Variants in ARHGEF26 observed in about 807,000 individuals in gnomAD.
ARHGEF26 encodes Rho guanine nucleotide exchange factor (GEF) 26.
In ARHGEF26, 59 loss-of-function variants were observed where a neutral mutation model predicts 89.4. That is an observed-to-expected ratio of 0.66 (90% CI 0.54 to 0.82). The LOEUF (loss-of-function observed/expected upper bound fraction) is 0.82, where lower values mean the gene tolerates loss of function less well. ARHGEF26 is among the 40% of genes least tolerant of loss of function. ARHGEF26 has a pLI of 0.00. For synonymous variants in ARHGEF26, 500 were observed against 428.4 expected, an observed-to-expected ratio of 1.17 and a Z score of -2.06; for missense variants, 1,234 against 1,085.6, an observed-to-expected ratio of 1.14 and a Z score of -1.92.
intron 5 of ARHGEF26, among the ~76,000 whole-genome samples, chr3:154,150,876 T>G (rs1719979744): frequency 6.6e-6 from 1 of 152,228 alleles, no homozygotes; most frequent in Non-Finnish European, 1.5e-5. Context: ...AGGTCTAACC[T>G]AATTTGCTTT....
rs1056652726 is a variant in ARHGEF26 at position 154,160,268 on chromosome 3, G to A, written c.1487+7336G>A. Among the ~76,000 whole-genome samples, 6 of 152,238 alleles carry A rather than the reference G, an allele frequency of 3.9e-5. No homozygotes were observed. In the East Asian group the frequency reaches 5.8e-4, roughly 15 times the overall value. ...TGTTCAGCTCTTATCAACAACCAGTGTCTGGAGTAATAGTAAAAGAAATAG... is the reference window on the plus strand; with the variant it reads ...TGTTCAGCTCTTATCAACAACCAGTATCTGGAGTAATAGTAAAAGAAATAG... On this transcript the variant is annotated intron_variant, in intron 6 of 14. Coordinates refer to ENST00000465093, the MANE Select transcript of ARHGEF26 (RefSeq NM_015595.4).
intron 4 of ARHGEF26, among the ~76,000 whole-genome samples, chr3:154,147,665 C>G (rs1719781027): frequency 6.6e-6 from 1 of 152,108 alleles, no homozygotes; most frequent in African/African-American, 2.4e-5. Flanking sequence ...TGCTACAAAG[C>G]CTGGAACATC....
chr3:154,140,508 C>T (rs1719294751), intron 4 of ARHGEF26, among the ~76,000 whole-genome samples: 2 of 151,708 alleles, frequency 1.3e-5, no homozygotes, highest in Admixed American at 6.6e-5. Flanking sequence ...TTTTTTTCTT[C>T]TCATAAATTG....
chr3:154,199,909 AT>A (rs1199352810), intron 9 of ARHGEF26, among the ~76,000 whole-genome samples: 1 of 151,748 alleles, frequency 6.6e-6, no homozygotes, highest in Non-Finnish European at 1.5e-5. Context: ...GGATTATTAG[AT>A]TTTTTTTCTA....
At position 154,240,517 on chromosome 3, in the gene ARHGEF26, T is replaced by C; in HGVS notation, c.2238T>C (p.Thr746=). 2 of 1,613,338 alleles carry C rather than the reference T, an allele frequency of 1.2e-6. No individual in the cohort carries two copies. Among genetic ancestry groups the C allele is most frequent in the Non-Finnish European group, 1.7e-6 (2 of 1,179,594 alleles). ...AGAGCTCTGCCAGTCACCTCTTTAC[T>C]CTGACAGTCCTTAGTAACCACGCGA... ...SRQSSASHLF[T]LTVLSNHANE... is the part of the protein sequence containing the mutation. The change falls in exon 12 of 15, where the codon ACT becomes ACC. Residue 746 remains threonine, a synonymous_variant. Transcript: ENST00000465093.
intron 11 of ARHGEF26, among the ~76,000 whole-genome samples, chr3:154,233,928 C>G (rs1483040149): frequency 6.6e-6 from 1 of 152,198 alleles, no homozygotes; most frequent in East Asian, 1.9e-4. Flanking sequence ...TGTGAATGTT[C>G]TAAAGCCTAT....
At chr3:154,235,140 A>G (rs948997960) in intron 11 of ARHGEF26, among the ~76,000 whole-genome samples, 7 of 148,026 alleles carry the variant, frequency 4.7e-5, no homozygotes, top group African/African-American at 1.7e-4. Context: ...AACTATTTCT[A>G]CTCCCTGCCA....
chr3:154,149,309 A>G (rs1719877153), intron 4 of ARHGEF26, 80 bp from the exon 5 acceptor site: 1 of 1,074,516 alleles, frequency 9.3e-7, no homozygotes, highest in East Asian at 2.6e-5. Flanking sequence ...TGAAGGGCAT[A>G]GAGTTATGCC....
Position 154,122,333 on chromosome 3 carries a change from C to T in ARHGEF26, c.341C>T (p.Pro114Leu). 6.2e-7 allele frequency: 1 copy of T among 1,612,790 alleles called. No individual in the cohort carries two copies. The highest frequency in any genetic ancestry group is 8.5e-7 in the Non-Finnish European group (1 of 1,179,838). The change falls in exon 2 of 15, where the codon CCC (proline) becomes CTC (leucine). Residue 114 changes from proline to leucine, a missense_variant. Physicochemically the swap from Pro to Leu is moderately conservative, Grantham distance 98 (BLOSUM62 -3). Coordinates refer to ENST00000465093, the MANE Select transcript of ARHGEF26 (RefSeq NM_015595.4). ...CCTCGACTTCGACGGCCCAAGTCACCCAAGCTCCCCAAAGCGGTGCCTGGC... is the reference window on the plus strand; with the variant it reads ...CCTCGACTTCGACGGCCCAAGTCACTCAAGCTCCCCAAAGCGGTGCCTGGC... ...ASPRLRRPKS[P>L]KLPKAVPGGS... is the part of the protein sequence containing the mutation.
chr3:154,139,195 G>T (rs544200396), intron 4 of ARHGEF26, among the ~76,000 whole-genome samples: 27 of 152,288 alleles, frequency 1.8e-4, no homozygotes, highest in African/African-American at 6.0e-4. Flanking sequence ...GATAAGGCCA[G>T]TGCAGCTGGA....
chr3:154,217,115 C>A (rs1336888532), intron 9 of ARHGEF26, among the ~76,000 whole-genome samples: 1 of 151,896 alleles, frequency 6.6e-6, no homozygotes, highest in Non-Finnish European at 1.5e-5. Context: ...ACCACACTGA[C>A]TTCCACAATG....
chr3:154,142,253 A>G (rs1719431296), intron 4 of ARHGEF26, among the ~76,000 whole-genome samples: 1 of 152,090 alleles, frequency 6.6e-6, no homozygotes, highest in Admixed American at 6.6e-5. Context: ...AGAGATAGGA[A>G]GACAGGATTT....
chr3:154,215,989 T>C (rs1489235355), intron 9 of ARHGEF26, among the ~76,000 whole-genome samples: 1 of 152,110 alleles, frequency 6.6e-6, no homozygotes, highest in Non-Finnish European at 1.5e-5. Context: ...TACATATATG[T>C]GTGTATTTAT....
intron 12 of ARHGEF26, among the ~76,000 whole-genome samples, chr3:154,242,998 C>G (rs939841083): frequency 3.9e-5 from 6 of 152,100 alleles, no homozygotes; most frequent in African/African-American, 1.4e-4. Context: ...GCTTGCTGAT[C>G]TGTGAGGTGA....
chr3:154,213,096 T>A (rs1361126094), intron 9 of ARHGEF26, among the ~76,000 whole-genome samples: 1 of 152,166 alleles, frequency 6.6e-6, no homozygotes, highest in Non-Finnish European at 1.5e-5. Flanking sequence ...TTTCAGAGTG[T>A]CTATCTTACT....
chr3:154,122,081 T>G lies in ARHGEF26; in HGVS notation c.89T>G (p.Leu30Arg), dbSNP rs776525028. 3 of 1,612,168 alleles carry G rather than the reference T, an allele frequency of 1.9e-6. No individual in the cohort carries two copies. Among genetic ancestry groups the G allele is most frequent in the Non-Finnish European group, 2.5e-6 (3 of 1,179,186 alleles). The change falls in exon 2 of 15, where the codon CTG becomes CGG. Residue 30 changes from leucine (L) to arginine (R), a missense_variant. Transcript: ENST00000465093. Reference protein sequence around the residue: ...RRSIPQPHQVLGRSKPRPQSY... With the variant: ...RRSIPQPHQVRGRSKPRPQSY... ...TCGATTCCTCAGCCCCACCAGGTTC[T>G]GGGCCGGAGCAAGCCGAGGCCCCAG...
At chr3:154,200,734 AT>A (rs1459071746) in intron 9 of ARHGEF26, among the ~76,000 whole-genome samples, 1 of 151,570 alleles carries the variant, frequency 6.6e-6, no homozygotes, top group East Asian at 1.9e-4. Context: ...AACATGGAAT[AT>A]TTTTTAATTT....
At chr3:154,130,782 C>G (rs920123832) in intron 4 of ARHGEF26, among the ~76,000 whole-genome samples, 2 of 152,286 alleles carry the variant, frequency 1.3e-5, no homozygotes, top group East Asian at 3.9e-4. Flanking sequence ...CAGTACACCT[C>G]CATGAGTCCT....
intron 11 of ARHGEF26, among the ~76,000 whole-genome samples, chr3:154,238,203 T>C (rs1353058738): frequency 6.6e-6 from 1 of 152,218 alleles, no homozygotes; most frequent in Non-Finnish European, 1.5e-5. Context: ...CCTCTTTTTA[T>C]AAACATCATG....
Sources: allele counts gnomAD v4.1 joint callset (sites outside exome capture counted in the v4.1 genomes callset), GRCh38; gene constraint gnomAD v4.1.1; transcripts MANE v1.5; gene names NCBI Gene and HGNC (gene_info 2026-07-23, HGNC 2026-07-21).